The following ELAVL2 variants were observed in gnomAD, a reference collection of about 807,000 sequenced individuals.
The protein encoded by ELAVL2 is ELAV-like protein 2.
Under a neutral mutation model 34.6 loss-of-function variants are expected in ELAVL2, and 4 were observed. That is an observed-to-expected ratio of 0.12 (90% CI 0.06 to 0.26). The LOEUF is 0.26. Ranked by LOEUF, ELAVL2 falls within the 10% of genes least tolerant of loss-of-function variation. The pLI, the probability that ELAVL2 is intolerant of heterozygous loss-of-function variation, is 1.00. For missense variants in ELAVL2, 432 were observed against 442.8 expected (o/e 0.98, Z 0.22); for synonymous variants, 193 against 154.8 (o/e 1.25, Z -1.83).
chr9:23,789,474 T>C (rs907223804), intron 1 of ELAVL2, among the ~76,000 whole-genome samples: 4 of 152,200 alleles, frequency 2.6e-5, no homozygotes, highest in African/African-American at 7.2e-5. Context: ...CAGTTCAAAA[T>C]AGTAATACAA....
At chr9:23,747,105 C>G (rs1394697205) in intron 2 of ELAVL2, among the ~76,000 whole-genome samples, 1 of 151,758 alleles carries the variant, frequency 6.6e-6, no homozygotes, top group African/African-American at 2.4e-5. Flanking sequence ...GGTTACAAGA[C>G]CCTCAGTGGA....
At chr9:23,790,927 T>C (rs2060251983) in intron 1 of ELAVL2, among the ~76,000 whole-genome samples, 1 of 152,154 alleles carries the variant, frequency 6.6e-6, no homozygotes, top group Non-Finnish European at 1.5e-5. Context: ...ACAGAGTGCC[T>C]AGAGTCTCAG....
chr9:23,753,556 C>T (rs1183342031), intron 2 of ELAVL2, among the ~76,000 whole-genome samples: 1 of 151,692 alleles, frequency 6.6e-6, no homozygotes, highest in East Asian at 1.9e-4. Flanking sequence ...ATTTTCATAC[C>T]AAAGAAACAG....
chr9:23,756,575 CAT>C (rs927663686), intron 2 of ELAVL2, among the ~76,000 whole-genome samples: 10 of 152,274 alleles, frequency 6.6e-5, no homozygotes, highest in South Asian at 6.2e-4. Flanking sequence ...CACACACACA[CAT>C]GCTCGCACAC....
At position 23,757,311 on chromosome 9, in the gene ELAVL2, C is replaced by T. The variant is rs183515817; in HGVS notation, c.229+4695G>A. Among the ~76,000 whole-genome samples, 377 of 152,194 alleles carry T rather than the reference C, an allele frequency of 2.5e-3. 3 individuals carry two copies. Among genetic ancestry groups the T allele is most frequent in the African/African-American group, 8.7e-3 (362 of 41,554 alleles). ...TTCATCAGTTGGCCATTTGCTTCATCTTTAAAGAGTGAGCTCTTGCCTCCA... is the reference window on the plus strand; with the variant it reads ...TTCATCAGTTGGCCATTTGCTTCATTTTTAAAGAGTGAGCTCTTGCCTCCA... On this transcript the variant is annotated intron_variant, in intron 2 of 6. Transcript: ENST00000397312.
chr9:23,725,361 T>A (rs1216599994), intron 3 of ELAVL2, among the ~76,000 whole-genome samples: 4 of 152,184 alleles, frequency 2.6e-5, no homozygotes, highest in Non-Finnish European at 5.9e-5. Flanking sequence ...CCCTATCAAC[T>A]GCTTTAAAAC....
At chr9:23,803,180 C>T (rs1468990446) in intron 1 of ELAVL2, among the ~76,000 whole-genome samples, 1 of 152,190 alleles carries the variant, frequency 6.6e-6, no homozygotes, top group East Asian at 1.9e-4. Flanking sequence ...AACTACTTCT[C>T]ATGCCCAGTA....
the ELAVL2 span, among the ~76,000 whole-genome samples, chr9:23,845,631 T>C: frequency 6.6e-6 from 1 of 151,824 alleles, no homozygotes; most frequent in East Asian, 1.9e-4. Flanking sequence ...AAAAATCTAC[T>C]AGTACTCTCA....
intron 3 of ELAVL2, among the ~76,000 whole-genome samples, chr9:23,716,374 G>A (rs1263599914): frequency 6.6e-6 from 1 of 152,040 alleles, no homozygotes; most frequent in Non-Finnish European, 1.5e-5. Context: ...AAGCTGTTAA[G>A]TCCTTTACAT....
chr9:23,761,142 A>C, intron 2 of ELAVL2, among the ~76,000 whole-genome samples: 1 of 152,026 alleles, frequency 6.6e-6, no homozygotes, highest in East Asian at 1.9e-4. Context: ...TCCATTTTAT[A>C]TTTTTGGTTA....
intron 2 of ELAVL2, among the ~76,000 whole-genome samples, chr9:23,748,018 A>C (rs868306197): frequency 1.3e-5 from 2 of 152,144 alleles, no homozygotes; most frequent in Non-Finnish European, 2.9e-5. Flanking sequence ...TTCAACATAC[A>C]TCAGCATCTG....
chr9:23,844,378 A>C, the ELAVL2 span, among the ~76,000 whole-genome samples: 1 of 152,048 alleles, frequency 6.6e-6, no homozygotes, highest in Non-Finnish European at 1.5e-5. Flanking sequence ...CATTCACTGC[A>C]TTCTAAGACA....
intron 2 of ELAVL2, among the ~76,000 whole-genome samples, chr9:23,734,050 G>C (rs1009837782): frequency 2.0e-5 from 3 of 152,172 alleles, no homozygotes; most frequent in African/African-American, 7.2e-5. Context: ...GAATATGTTT[G>C]AGGTAAGCAA....
chr9:23,799,465 T>C (rs2061336798), intron 1 of ELAVL2, among the ~76,000 whole-genome samples: 1 of 152,236 alleles, frequency 6.6e-6, no homozygotes, highest in African/African-American at 2.4e-5. Flanking sequence ...GATTTTGTAC[T>C]CTTACTCCAC....
chr9:23,795,068 A>G (rs2060752498), intron 1 of ELAVL2, among the ~76,000 whole-genome samples: 1 of 152,184 alleles, frequency 6.6e-6, no homozygotes, highest in South Asian at 2.1e-4. Context: ...GAGTAAAATA[A>G]TATTACTGCT....
intron 3 of ELAVL2, among the ~76,000 whole-genome samples, chr9:23,726,300 A>C (rs2045137933): frequency 6.6e-6 from 1 of 152,114 alleles, no homozygotes; most frequent in Non-Finnish European, 1.5e-5. Context: ...ATTGTGGTTT[A>C]TTTCAGTATA....
intron 1 of ELAVL2, among the ~76,000 whole-genome samples, chr9:23,811,300 C>A (rs2062955772): frequency 6.6e-6 from 1 of 151,428 alleles, no homozygotes; most frequent in Non-Finnish European, 1.5e-5. Flanking sequence ...AAAGGTAACG[C>A]AGCGTACAAG....
chr9:23,781,439 G>A (rs911722658), intron 1 of ELAVL2, among the ~76,000 whole-genome samples: 2 of 151,550 alleles, frequency 1.3e-5, no homozygotes, highest in Admixed American at 6.6e-5. Flanking sequence ...AATATACTAC[G>A]TTCCAAGTAC....
At position 23,804,765 on chromosome 9, in the gene ELAVL2, C is replaced by T. The variant is rs1010436665; in HGVS notation, c.-16+21041G>A. On this transcript the variant is annotated intron_variant, in intron 1 of 6. Transcript: ENST00000397312. ...ATAATGCAGCAGTGTAGAGAGGGCA[C>T]TGGGGGAAGTAAAGGCAAGTCGGGA... Among the ~76,000 whole-genome samples, 3 of 152,174 alleles carry T rather than the reference C, an allele frequency of 2.0e-5. No homozygotes were observed. In the East Asian group the frequency reaches 5.8e-4, roughly 29 times the overall value.
Sources: allele counts gnomAD v4.1 joint callset (sites outside exome capture counted in the v4.1 genomes callset), GRCh38; gene constraint gnomAD v4.1.1; transcripts MANE v1.5; gene names NCBI Gene and HGNC (gene_info 2026-07-23, HGNC 2026-07-21).